The following IL6ST variants were observed in gnomAD, a reference collection of about 807,000 sequenced individuals.
IL6ST encodes interleukin-6 receptor subunit beta.
Under a neutral mutation model 91.3 loss-of-function variants are expected in IL6ST, and 24 were observed. The ratio of observed to expected loss-of-function variants is 0.26; its 90% confidence interval spans 0.19 to 0.37. The LOEUF (loss-of-function observed/expected upper bound fraction) is 0.37, where lower values mean the gene tolerates loss of function less well. IL6ST is among the 10% of genes least tolerant of loss of function. IL6ST has a pLI of 1.00. For missense variants in IL6ST, 914 were observed against 1,078.5 expected (o/e 0.85, Z 2.14); for synonymous variants, 351 against 373.6 (o/e 0.94, Z 0.70).
chr5:55,965,279 T>C (rs750435639), intron 5 of IL6ST, among the ~76,000 whole-genome samples: 4 of 152,154 alleles, frequency 2.6e-5, no homozygotes, highest in Non-Finnish European at 4.4e-5. Context: ...GTATTAACCG[T>C]AGGATAAAGC....
chr5:55,960,630 A>G lies in IL6ST; in HGVS notation c.814-69T>C, dbSNP rs1251574622. On this transcript the variant is annotated intron_variant, in intron 7 of 16. Transcript: ENST00000381298. ...GGTCTTCTAAATTGTGTTAAAATTCAGAAACTTTTTTTTTTGAGGCACAGC... is the reference window on the plus strand; with the variant it reads ...GGTCTTCTAAATTGTGTTAAAATTCGGAAACTTTTTTTTTTGAGGCACAGC... The G allele has an allele frequency of 1.6e-5, 24 of 1,498,148 alleles. No individual in the cohort carries two copies. In the East Asian group the frequency reaches 5.1e-4, roughly 32 times the overall value. The allele number at this position is 1,498,148 out of a possible 1,614,324, so 92.8% of individuals were successfully genotyped here.
rs748702222 is a variant in IL6ST, at chr5:55,957,200, A to AT, written c.1056+8dup. 6.7e-6 allele frequency: 9 copies of AT among 1,352,544 alleles called. No individual in the cohort carries two copies. The highest frequency in any genetic ancestry group is 1.9e-4 in the Middle Eastern group (1 of 5,346). The allele number at this position is 1,352,544 out of a possible 1,614,324, so 83.8% of individuals were successfully genotyped here. ...TTATAAGAGATAAAATATAAATGTG[A>AT]TTTTTTACCTTCCACACGAGTTGTA... is the stretch of plus-strand genomic sequence containing the variant. On this transcript the variant is annotated intron_variant, in intron 9 of 16. Coordinates refer to ENST00000381298, the MANE Select transcript of IL6ST (RefSeq NM_002184.4).
At chr5:55,974,717 C>T (rs1310922173) in intron 3 of IL6ST, among the ~76,000 whole-genome samples, 1 of 152,086 alleles carries the variant, frequency 6.6e-6, no homozygotes, top group African/African-American at 2.4e-5. Context: ...AACTCCTAAC[C>T]TCAAATGATC....
rs561805669 is a variant in IL6ST, at chr5:55,982,805, G to C, written c.-97C>G. The stretch of plus-strand genomic sequence containing the variant: ...TCTAAATGTCATGCTTTTTCCATTG[G>C]GTTTCACTGTAAAGAGAGGAGAGTC... On this transcript the variant is annotated 5_prime_UTR_variant, in exon 2 of 17. Coordinates refer to ENST00000381298, the MANE Select transcript of IL6ST (RefSeq NM_002184.4). The C allele has an allele frequency of 9.5e-4, 380 of 398,224 alleles. No homozygotes were observed. The highest frequency in any genetic ancestry group is 1.5e-3 in the Non-Finnish European group (343 of 225,914). 24.7% of individuals were successfully genotyped at this position (398,224 alleles called of 1,614,324 possible). A position where few individuals can be genotyped will look rare whatever the true frequency, so the allele number is the denominator to read the frequency against.
At chr5:55,976,543 T>C (rs915429604) in intron 2 of IL6ST, among the ~76,000 whole-genome samples, 5 of 152,228 alleles carry the variant, frequency 3.3e-5, no homozygotes, top group African/African-American at 9.6e-5. Context: ...GTTTCTTTCT[T>C]ATGTGAAGTC....
At chr5:55,956,873 A>G (rs1422854723) in intron 9 of IL6ST, among the ~76,000 whole-genome samples, 2 of 152,208 alleles carry the variant, frequency 1.3e-5, no homozygotes, top group African/African-American at 4.8e-5. Flanking sequence ...AAATGTATTT[A>G]TAAGGGCTGG....
At chr5:55,970,368 T>C (rs1021581134) in intron 3 of IL6ST, among the ~76,000 whole-genome samples, 4 of 152,148 alleles carry the variant, frequency 2.6e-5, no homozygotes, top group Admixed American at 6.5e-5. Context: ...TAGAACAAGA[T>C]GGCCAAATAG....
chr5:55,957,232 T>TTG lies in IL6ST; in HGVS notation c.1032_1033insCA (p.Arg345GlnfsTer25). The TTG allele has an allele frequency of 6.4e-7, 1 of 1,558,360 alleles. No individual in the cohort carries two copies. Among genetic ancestry groups the TTG allele is most frequent in the South Asian group, 1.2e-5 (1 of 84,964 alleles). On this transcript the variant is annotated frameshift_variant, in exon 9 of 17. Transcript: ENST00000381298. LOFTEE classifies it high-confidence loss of function. ...ACCTTCCACACGAGTTGTACAGTTC[T>TTG]GTAGCCTTGAGTATGGGATGGATCT...
intron 7 of IL6ST, among the ~76,000 whole-genome samples, chr5:55,960,867 G>GCAAT (rs759876397): frequency 2.0e-4 from 30 of 152,220 alleles, no homozygotes; most frequent in Non-Finnish European, 4.1e-4. Flanking sequence ...CTGACCTCAA[G>GCAAT]CAATCCACTT....
intron 3 of IL6ST, among the ~76,000 whole-genome samples, chr5:55,974,588 G>T (rs1201474828): frequency 7.3e-6 from 1 of 137,842 alleles, no homozygotes; most frequent in African/African-American, 3.6e-5. Flanking sequence ...AGGCTCAAGC[G>T]ATTCTCCTGC....
intron 11 of IL6ST, among the ~76,000 whole-genome samples, chr5:55,953,010 G>A (rs1394182320): frequency 4.6e-5 from 7 of 151,830 alleles, no homozygotes; most frequent in East Asian, 1.9e-4. Context: ...GCAGTGAGCC[G>A]AGATCGCACC....
Position 55,947,592 on chromosome 5 carries a change from T to TAAAAA in IL6ST, c.1841-8_1841-4dup, listed in dbSNP as rs71602925. The TAAAAA allele has an allele frequency of 3.3e-3, 1,281 of 391,416 alleles. 15 individuals carry two copies. Among genetic ancestry groups the TAAAAA allele is most frequent in the Middle Eastern group, 8.1e-3 (10 of 1,234 alleles). 24.2% of individuals were successfully genotyped at this position (391,416 alleles called of 1,614,324 possible). Reference sequence around the variant, plus strand: ...TATGGCTTCAATTTCTCCTTGAGCTTAAAAAAAAAAAAAAAAAAAAAAAAA... The same window carrying TAAAAA: ...TATGGCTTCAATTTCTCCTTGAGCTTAAAAAAAAAAAAAAAAAAAAAAAAAAAAAA... On this transcript the variant is annotated splice_polypyrimidine_tract_variant and splice_region_variant and intron_variant, in intron 14 of 16. Transcript: ENST00000381298.
rs1386021194 is a variant in IL6ST at position 55,941,213 on chromosome 5, C to T, written c.2626G>A (p.Ala876Thr). ...KMFQEVSAAD[A>T]FGPGTEGQVE... ...TGTCCCTCAGTACCTGGACCAAAAG[C>T]ATCTGCTGCAGAAACTTCCTGAAAC... is the stretch of plus-strand genomic sequence containing the variant. Residue 876 changes from alanine (A) to threonine (T), a missense_variant, in exon 17 of 17, where the codon GCT (alanine) becomes ACT (threonine). Transcript: ENST00000381298. 3.7e-6 allele frequency: 6 copies of T among 1,614,050 alleles called. No individual in the cohort carries two copies. The highest frequency in any genetic ancestry group is 5.1e-6 in the Non-Finnish European group (6 of 1,180,020).
At chr5:55,968,502 C>A in intron 4 of IL6ST, 106 bp from the exon 5 acceptor site, 1 of 999,758 alleles carries the variant, frequency 1.0e-6, no homozygotes, top group Non-Finnish European at 1.5e-6. Context: ...TGAAAAAAAT[C>A]AAACCCAAGC....
At chr5:55,972,434 C>G (rs1413179532) in intron 3 of IL6ST, among the ~76,000 whole-genome samples, 1 of 151,866 alleles carries the variant, frequency 6.6e-6, no homozygotes, top group Non-Finnish European at 1.5e-5. Flanking sequence ...ATGGTGTGAA[C>G]CCAGGAGGCG....
intron 3 of IL6ST, 24 bp from the exon 4 acceptor site, chr5:55,969,879 T>C (rs759630892): frequency 6.7e-6 from 10 of 1,502,344 alleles, no homozygotes; most frequent in South Asian, 6.1e-5. Flanking sequence ...ATAGAAAATA[T>C]ATAAATGGAC....
At chr5:55,973,177 T>C (rs535497271) in intron 3 of IL6ST, among the ~76,000 whole-genome samples, 1 of 152,198 alleles carries the variant, frequency 6.6e-6, no homozygotes, top group Non-Finnish European at 1.5e-5. Flanking sequence ...GAGGATAGTC[T>C]TAAGTAGAAT....
chr5:55,950,535 C>CAAAAAAA (rs70995750), intron 14 of IL6ST, among the ~76,000 whole-genome samples: 6 of 29,350 alleles, frequency 2.0e-4, no homozygotes, highest in African/African-American at 3.8e-4. Context: ...GACTCTGTCT[C>CAAAAAAA]AAAAAAAAAA....
chr5:55,978,289 T>C (rs1257859141), intron 2 of IL6ST: 1 of 152,228 alleles, frequency 6.6e-6, no homozygotes, highest in Non-Finnish European at 1.5e-5. Flanking sequence ...GAAAGACAGA[T>C]CTTAAGTAAC....
Sources: gnomAD v4.1 joint callset for allele counts (sites outside exome capture counted in the v4.1 genomes callset) on GRCh38, gnomAD v4.1.1 for gene constraint, MANE v1.5 for transcripts, NCBI Gene and HGNC (gene_info 2026-07-23, HGNC 2026-07-21) for gene names.